The following XRRA1 variants were observed in gnomAD, a reference collection of about 807,000 sequenced individuals.
XRRA1 encodes the protein X-ray radiation resistance associated 1, also known as X-ray radiation resistance-associated protein 1.
A neutral mutation model predicts 80.2 loss-of-function variants in XRRA1; 69 were observed. The ratio of observed to expected loss-of-function variants is 0.86; its 90% CI spans 0.71 to 1.05. XRRA1 has a LOEUF of 1.05. Among genes scored for constraint, XRRA1 ranks in the 50% least tolerant of loss-of-function variants. The pLI, the probability that XRRA1 is intolerant of heterozygous loss-of-function variation, is 0.00. For missense variants in XRRA1, 967 were observed against 976.4 expected (o/e 0.99, Z 0.13); for synonymous variants, 348 against 389.9 (o/e 0.89, Z 1.27).
chr11:74,943,297 T>C (rs1946712647), intron 2 of XRRA1, among the ~76,000 whole-genome samples: 1 of 152,194 alleles, frequency 6.6e-6, no homozygotes. Flanking sequence ...CAAATGATTA[T>C]TCTCTTCAGA....
rs1377794769 is a variant in XRRA1, at chr11:74,945,481, A to G, written c.-72-396T>C. 7.2e-5 allele frequency among the ~76,000 whole-genome samples: 11 copies of G among 152,338 alleles called. No individual in the cohort carries two copies. In the South Asian group the frequency reaches 2.3e-3, roughly 32 times the overall value. On this transcript the variant is annotated intron_variant, in intron 1 of 18. Coordinates refer to ENST00000684022, the MANE Select transcript of XRRA1 (RefSeq NM_001378157.1). ...AGATATTTGCCATGCATATAATACA[A>G]AAGATGACTCACACTGAAGCCTGTA...
chr11:74,941,888 G>A (rs1946399071), intron 2 of XRRA1, among the ~76,000 whole-genome samples: 2 of 152,170 alleles, frequency 1.3e-5, no homozygotes, highest in African/African-American at 4.8e-5. Flanking sequence ...AGACCAATTA[G>A]AAGTATGAGC....
chr11:74,843,475 G>A, intron 18 of XRRA1, 22 bp from the exon 19 acceptor site: 1 of 1,604,082 alleles, frequency 6.2e-7, no homozygotes, highest in Non-Finnish European at 8.5e-7. Flanking sequence ...GAAGCCAGGA[G>A]AGGCACCAAG....
At chr11:74,943,621 G>A (rs1169493230) in intron 2 of XRRA1, among the ~76,000 whole-genome samples, 1 of 151,420 alleles carries the variant, frequency 6.6e-6, no homozygotes, top group Admixed American at 6.6e-5. Context: ...CAACTAGTCA[G>A]CTCTTACCAA....
intron 2 of XRRA1, among the ~76,000 whole-genome samples, chr11:74,942,905 G>T (rs1474702749): frequency 1.3e-5 from 2 of 152,244 alleles, no homozygotes; most frequent in Admixed American, 6.5e-5. Context: ...AGGAAAGGCT[G>T]ACAATGCAGG....
intron 14 of XRRA1, 31 bp from the exon 15 acceptor site, chr11:74,848,493 C>A: frequency 6.4e-7 from 1 of 1,555,414 alleles, no homozygotes; most frequent in South Asian, 1.2e-5. Context: ...AATGAATTTG[C>A]TTCCTAATTA....
chr11:74,859,280 T>C lies in XRRA1; in HGVS notation c.1048A>G (p.Thr350Ala). ...ATGGGAGGAAGTGAACATATCTTGG[T>C]TGTCTTAGAAAGAAGGAAAAGTCAA... Reference protein sequence around the residue: ...SYPGFSTSETTKICSLPPIFE... With the variant: ...SYPGFSTSETAKICSLPPIFE... The change falls in exon 12 of 19, where the codon ACC becomes GCC. Residue 350 changes from threonine (T) to alanine (A), a missense_variant. Thr to Ala is a moderately conservative substitution (Grantham distance 58, BLOSUM62 0). Coordinates refer to ENST00000684022, the MANE Select transcript of XRRA1 (RefSeq NM_001378157.1). 1 of 1,604,744 alleles carries C rather than the reference T, an allele frequency of 6.2e-7. No homozygotes were observed. Among genetic ancestry groups the C allele is most frequent in the Non-Finnish European group, 8.5e-7 (1 of 1,176,456 alleles).
intron 15 of XRRA1, among the ~76,000 whole-genome samples, chr11:74,847,399 T>TA (rs1325625639): frequency 6.6e-6 from 1 of 152,140 alleles, no homozygotes; most frequent in Non-Finnish European, 1.5e-5. Flanking sequence ...CTTCTAGCCT[T>TA]ATATTACCCT....
At chr11:74,875,968 C>T (rs192376276) in intron 10 of XRRA1, among the ~76,000 whole-genome samples, 4,303 of 152,256 alleles carry the variant, frequency 0.028, 154 homozygotes, top group African/African-American at 0.081. Context: ...ACTTCACCCA[C>T]GTGCCAAAGA....
intron 8 of XRRA1, among the ~76,000 whole-genome samples, chr11:74,920,837 T>G (rs1940519690): frequency 6.6e-6 from 1 of 152,192 alleles, no homozygotes; most frequent in Non-Finnish European, 1.5e-5. Context: ...TTATTACTAT[T>G]AAGAGGAAGG....
Position 74,848,374 on chromosome 11 carries a change from A to G in XRRA1, c.1469T>C (p.Met490Thr), listed in dbSNP as rs376387401. 212 of 1,613,904 alleles carry G rather than the reference A, an allele frequency of 1.3e-4. No homozygotes were observed. The African/African-American group carries it at 2.1e-3, about 16-fold the overall frequency. ...MTTTKSPSKD[M>T]LEPEAELAED... ...AGCCAGCTCTGCCTCTGGCTCTAGC[A>G]TATCCTTTGAGGGAGACTTGGTTGT... Residue 490 changes from methionine (M) to threonine (T), a missense_variant, in exon 15 of 19, where the codon ATG becomes ACG. Met to Thr is a moderately conservative substitution (Grantham distance 81). Transcript: ENST00000684022.
At chr11:74,919,697 C>T in intron 8 of XRRA1, 1 of 517,628 alleles carries the variant, frequency 1.9e-6, no homozygotes. Context: ...ATGGAGTGGG[C>T]TTCAAGAAGC....
At chr11:74,945,849 C>A (rs1273366523) in intron 1 of XRRA1, among the ~76,000 whole-genome samples, 1 of 152,120 alleles carries the variant, frequency 6.6e-6, no homozygotes, top group Non-Finnish European at 1.5e-5. Flanking sequence ...TGTTCCATTC[C>A]TTTGGCCTAT....
intron 1 of XRRA1, among the ~76,000 whole-genome samples, chr11:74,948,107 G>A (rs1477455932): frequency 6.6e-6 from 1 of 152,218 alleles, no homozygotes; most frequent in Non-Finnish European, 1.5e-5. Flanking sequence ...AATAGTGCCT[G>A]TTACATAGTA....
chr11:74,881,981 G>C (rs1319755144), intron 10 of XRRA1, among the ~76,000 whole-genome samples: 7 of 143,018 alleles, frequency 4.9e-5, no homozygotes, highest in African/African-American at 1.8e-4. Flanking sequence ...TGACAATTAT[G>C]TGTCTTGGAG....
At chr11:74,933,565 A>G (rs1290678314) in intron 5 of XRRA1, 1 of 404,374 alleles carries the variant, frequency 2.5e-6, no homozygotes, top group East Asian at 4.2e-5. Context: ...CCATAAGGCA[A>G]TTTTCTTTAA....
At chr11:74,860,092 A>C (rs1021227185) in intron 11 of XRRA1, among the ~76,000 whole-genome samples, 1 of 152,190 alleles carries the variant, frequency 6.6e-6, no homozygotes, top group African/African-American at 2.4e-5. Flanking sequence ...ATCACTATGG[A>C]ATCTTGAGCA....
At chr11:74,942,872 T>C (rs1946608941) in intron 2 of XRRA1, among the ~76,000 whole-genome samples, 2 of 152,112 alleles carry the variant, frequency 1.3e-5, no homozygotes, top group African/African-American at 4.8e-5. Flanking sequence ...ACATCTAGAC[T>C]GAGAGGAAGG....
At chr11:74,880,003 T>A (rs1304716100) in intron 10 of XRRA1, among the ~76,000 whole-genome samples, 1 of 152,074 alleles carries the variant, frequency 6.6e-6, no homozygotes, top group Non-Finnish European at 1.5e-5. Context: ...GAGGATTCCC[T>A]CTTTTTCTAT....
Sources: allele counts gnomAD v4.1 joint callset (sites outside exome capture counted in the v4.1 genomes callset), GRCh38; gene constraint gnomAD v4.1.1; transcripts MANE v1.5; gene names NCBI Gene and HGNC (gene_info 2026-07-23, HGNC 2026-07-21).